EBF3: variants seen among roughly 807,000 people sequenced by gnomAD.
The protein encoded by EBF3 is transcription factor COE3.
Under a neutral mutation model 77.1 loss-of-function variants are expected in EBF3, and 18 were observed. The ratio of observed to expected loss-of-function variants is 0.23; its 90% CI spans 0.16 to 0.35. The LOEUF is 0.35. Among genes scored for constraint, EBF3 ranks in the 10% least tolerant of loss-of-function variants. EBF3 has a pLI of 1.00. For missense variants in EBF3, 558 were observed against 860.0 expected (o/e 0.65, Z 4.39); for synonymous variants, 350 against 343.5 (o/e 1.02, Z -0.21).
At chr10:129,866,350 C>G (rs7099943) in intron 10 of EBF3, among the ~76,000 whole-genome samples, 3,032 of 152,288 alleles carry the variant, frequency 0.02, 60 homozygotes, top group African/African-American at 0.046. Flanking sequence ...TGAACTCCTG[C>G]ACTCAAGTGA....
rs35568967 is a variant in EBF3 at position 129,932,895 on chromosome 10, CTTTTTTT to C, written c.554+24356_554+24362del. Among the ~76,000 whole-genome samples, 4 of 126,410 alleles carry C rather than the reference CTTTTTTT, an allele frequency of 3.2e-5. No individual in the cohort carries two copies. The East Asian group carries it at 9.3e-4, about 29-fold the overall frequency. 82.9% of individuals were successfully genotyped at this position (126,410 alleles called of 152,430 possible). ...AAACTTCAACCATTTCTTTTTTTTC[CTTTTTTT>C]TTTTTTTTTTTCAATTTCAGAATGC... On this transcript the variant is annotated intron_variant, in intron 6 of 16. Coordinates refer to ENST00000440978, the MANE Select transcript of EBF3 (RefSeq NM_001375380.1).
chr10:129,902,746 C>T (rs928481047), intron 6 of EBF3, among the ~76,000 whole-genome samples: 6 of 152,168 alleles, frequency 3.9e-5, no homozygotes, highest in African/African-American at 1.2e-4. Flanking sequence ...TCCCATAACC[C>T]GAGACCCGGG....
At chr10:129,852,141 G>A (rs189197462) in intron 10 of EBF3, among the ~76,000 whole-genome samples, 2 of 152,300 alleles carry the variant, frequency 1.3e-5, no homozygotes, top group Admixed American at 1.3e-4. Context: ...TACAAATAGA[G>A]CCTGACACGA....
intron 7 of EBF3, among the ~76,000 whole-genome samples, chr10:129,877,294 C>A (rs1852853197): frequency 6.6e-6 from 1 of 151,978 alleles, no homozygotes; most frequent in African/African-American, 2.4e-5. Flanking sequence ...AGCTTGAGAC[C>A]AGCCTGGAAA....
intron 6 of EBF3, among the ~76,000 whole-genome samples, chr10:129,949,934 A>C (rs1858530192): frequency 6.6e-6 from 1 of 151,444 alleles, no homozygotes; most frequent in African/African-American, 2.4e-5. Flanking sequence ...TCTGTGCTTT[A>C]ACATGGCACC....
chr10:129,930,677 GTCTATA>G (rs1856956803), intron 6 of EBF3, among the ~76,000 whole-genome samples: 1 of 124,934 alleles, frequency 8.0e-6, no homozygotes, highest in Non-Finnish European at 1.6e-5. Flanking sequence ...ATCTATACCT[GTCTATA>G]TCTATCTCTA....
chr10:129,852,724 A>C (rs767119583), intron 10 of EBF3, among the ~76,000 whole-genome samples: 52 of 152,226 alleles, frequency 3.4e-4, no homozygotes, highest in Non-Finnish European at 6.6e-4. Flanking sequence ...AAAAAGAAAA[A>C]TTCGGATTGG....
chr10:129,910,750 C>G (rs1360024834), intron 6 of EBF3, among the ~76,000 whole-genome samples: 1 of 152,140 alleles, frequency 6.6e-6, no homozygotes, highest in Non-Finnish European at 1.5e-5. Flanking sequence ...TCAGCACGCT[C>G]TAGCCCACAC....
intron 7 of EBF3, among the ~76,000 whole-genome samples, chr10:129,876,958 G>A (rs1429184475): frequency 8.1e-6 from 1 of 124,168 alleles, no homozygotes; most frequent in African/African-American, 3.1e-5. Context: ...GCAAACCAGA[G>A]ACAGGACTTA....
rs185405988 is a variant in EBF3 at position 129,931,643 on chromosome 10, G to A, written c.554+25615C>T. Among the ~76,000 whole-genome samples, 201 of 152,384 alleles carry A rather than the reference G, an allele frequency of 1.3e-3. 1 individual carries two copies. Among genetic ancestry groups the A allele is most frequent in the African/African-American group, 4.4e-3 (184 of 41,598 alleles). On this transcript the variant is annotated intron_variant, in intron 6 of 16. Coordinates refer to ENST00000440978, the MANE Select transcript of EBF3 (RefSeq NM_001375380.1). ...GATGTCTGCCCTGATGCCTGACACA[G>A]GCCAACAATCAGAAGTATGCTCTGA...
intron 6 of EBF3, among the ~76,000 whole-genome samples, chr10:129,915,091 CCACTGGGGCAGTTTCAGCCTCATGGACAG>C (rs1444600180): frequency 6.6e-6 from 1 of 152,150 alleles, no homozygotes; most frequent in Non-Finnish European, 1.5e-5. Context: ...GGATGCCCAT[CCACTGGGGCAGTTTCAGCCTCATGGACAG>C]CACTGGGGCA....
At chr10:129,953,053 GAAGAAGAAAGAAAGAAAAGA>G (rs748604151) in intron 6 of EBF3, among the ~76,000 whole-genome samples, 1 of 149,496 alleles carries the variant, frequency 6.7e-6, no homozygotes, top group African/African-American at 2.5e-5. Flanking sequence ...AAAAGAAGAA[GAAGAAGAAAGAAAGAAAAGA>G]AAGAAGAAAG....
At chr10:129,886,033 A>ATT (rs59542647) in intron 6 of EBF3, among the ~76,000 whole-genome samples, 3 of 126,292 alleles carry the variant, frequency 2.4e-5, no homozygotes, top group Non-Finnish European at 3.3e-5. Flanking sequence ...TTTGGTTTTA[A>ATT]TTTTTTTTTT....
rs754563601 is a variant in EBF3, at chr10:129,938,224, G to A, written c.554+19034C>T. 7.2e-5 allele frequency among the ~76,000 whole-genome samples: 11 copies of A among 152,054 alleles called. No homozygotes were observed. Among genetic ancestry groups the A allele is most frequent in the Non-Finnish European group, 1.5e-4 (10 of 68,020 alleles). The stretch of plus-strand genomic sequence containing the variant: ...TACACAGACTGCTCTGTTCTAGAAC[G>A]GAAATTAGTGGGTTTTTTTAAAGTT... On this transcript the variant is annotated intron_variant, in intron 6 of 16. Transcript: ENST00000440978. The surrounding 1 kb of genome is among the most constrained non-coding windows in gnomAD (Gnocchi z 5.1).
intron 10 of EBF3, among the ~76,000 whole-genome samples, chr10:129,860,432 CCT>C (rs933378067): frequency 2.6e-4 from 40 of 152,292 alleles, no homozygotes; most frequent in South Asian, 1.5e-3. Context: ...ATGGCCGTCC[CCT>C]GTCTGCTACA....
rs7894159 is a variant in EBF3, at chr10:129,890,431, T to C, written c.555-12582A>G. 9.5e-3 allele frequency among the ~76,000 whole-genome samples: 1,443 copies of C among 152,218 alleles called. 29 individuals are homozygous for C. Among genetic ancestry groups the C allele is most frequent in the African/African-American group, 0.033 (1,377 of 41,522 alleles). On this transcript the variant is annotated intron_variant, in intron 6 of 16. Transcript: ENST00000440978. Reference sequence around the variant, plus strand: ...AAATGTGAGGGCAAATCGGCAAAGATGATGTAGCACAAAGAGCGCCATTAA... The same window carrying C: ...AAATGTGAGGGCAAATCGGCAAAGACGATGTAGCACAAAGAGCGCCATTAA...
intron 6 of EBF3, among the ~76,000 whole-genome samples, chr10:129,914,603 C>T (rs973213472): frequency 2.6e-5 from 4 of 152,128 alleles, no homozygotes; most frequent in Admixed American, 6.5e-5. Context: ...AAGGAGAAGG[C>T]TACCCCTTCA....
In EBF3 at chr10:129,863,989, G is replaced by A. The variant is rs1055476667; in HGVS notation, c.1039+3152C>T. Among the ~76,000 whole-genome samples, 5 of 152,116 alleles carry A rather than the reference G, an allele frequency of 3.3e-5. No individual in the cohort carries two copies. In the South Asian group the frequency reaches 6.2e-4, roughly 19 times the overall value. ...CGATGGAGGAAATCCCTGAAGCTTC[G>A]GGCAGCCAGGACCCTGAGCTTGTGC... is the stretch of plus-strand genomic sequence containing the variant. On this transcript the variant is annotated intron_variant, in intron 10 of 16. Transcript: ENST00000440978. This position sits in a 1 kb window ranked among gnomAD's most constrained non-coding sequence, Gnocchi z 4.0.
At chr10:129,872,735 G>A (rs1219695562) in intron 8 of EBF3, among the ~76,000 whole-genome samples, 1 of 152,136 alleles carries the variant, frequency 6.6e-6, no homozygotes, top group Non-Finnish European at 1.5e-5. Flanking sequence ...TATTCTAAAG[G>A]GGATGTGTTC....
Sources: allele counts gnomAD v4.1 joint callset (sites outside exome capture counted in the v4.1 genomes callset), GRCh38; gene constraint gnomAD v4.1.1; non-coding constraint Gnocchi (gnomAD v3.1); transcripts MANE v1.5; gene names NCBI Gene and HGNC (gene_info 2026-07-23, HGNC 2026-07-21).